YWHAE: variants seen among roughly 807,000 people sequenced by gnomAD.
YWHAE encodes tyrosine 3-monooxygenase/tryptophan 5-monooxygenase activation protein epsilon.
A neutral mutation model predicts 30.1 loss-of-function variants in YWHAE; 4 were observed. The observed-to-expected ratio is 0.13, with a 90% CI of 0.07 to 0.30. The LOEUF (loss-of-function observed/expected upper bound fraction) is 0.30. YWHAE is among the 10% of genes least tolerant of loss of function. YWHAE has a pLI of 1.00. For missense variants in YWHAE, 121 were observed against 315.9 expected (o/e 0.38, Z 4.68); for synonymous variants, 118 against 111.8 (o/e 1.06, Z -0.35).
chr17:1,346,702 T>C (rs191729502), intron 5 of YWHAE, among the ~76,000 whole-genome samples: 45 of 152,196 alleles, frequency 3.0e-4, no homozygotes, highest in Middle Eastern at 3.4e-3. Flanking sequence ...AAAATGAACA[T>C]AACGCCGGGC....
At chr17:1,380,347 G>A (rs1222034871) in intron 1 of YWHAE, among the ~76,000 whole-genome samples, 1 of 152,074 alleles carries the variant, frequency 6.6e-6, no homozygotes, top group Non-Finnish European at 1.5e-5. Flanking sequence ...CGTGACCTCA[G>A]GTGATCTGCC....
intron 4 of YWHAE, among the ~76,000 whole-genome samples, chr17:1,355,909 C>T (rs2072732623): frequency 6.6e-6 from 1 of 152,092 alleles, no homozygotes; most frequent in Non-Finnish European, 1.5e-5. Flanking sequence ...TGGCTCAAGC[C>T]TGTAATCCCA....
intron 1 of YWHAE, among the ~76,000 whole-genome samples, chr17:1,394,825 G>C (rs528384097): frequency 6.6e-6 from 1 of 150,930 alleles, no homozygotes; most frequent in South Asian, 2.1e-4. Context: ...AAATTAGCCA[G>C]GTGCGATGGC....
chr17:1,367,080 G>GA (rs1420437468), intron 1 of YWHAE, among the ~76,000 whole-genome samples: 7 of 152,032 alleles, frequency 4.6e-5, no homozygotes, highest in African/African-American at 1.4e-4. Flanking sequence ...AAGTCTCTTC[G>GA]AAAAATATTC....
intron 1 of YWHAE, among the ~76,000 whole-genome samples, chr17:1,368,330 C>T: frequency 6.6e-6 from 1 of 151,606 alleles, no homozygotes; most frequent in East Asian, 1.9e-4. Context: ...GAGTGGAGAT[C>T]GCGCCACTGT....
At chr17:1,378,824 G>C (rs1449396463) in intron 1 of YWHAE, among the ~76,000 whole-genome samples, 1 of 152,042 alleles carries the variant, frequency 6.6e-6, no homozygotes, top group Non-Finnish European at 1.5e-5. Flanking sequence ...GCACACACCT[G>C]TGATCCCAGC....
At chr17:1,382,916 T>G (rs1475587773) in intron 1 of YWHAE, among the ~76,000 whole-genome samples, 1 of 151,300 alleles carries the variant, frequency 6.6e-6, no homozygotes, top group Non-Finnish European at 1.5e-5. Flanking sequence ...TTCCAGCTAC[T>G]TGGGAGGCTG....
At chr17:1,399,976 C>T (rs1337555143) in intron 1 of YWHAE, 71 bp downstream of exon 1, 69 of 1,590,142 alleles carry the variant, frequency 4.3e-5, no homozygotes, top group Non-Finnish European at 9.5e-6. Context: ...ATTTTGTCTC[C>T]TGTTCCCGGC....
chr17:1,344,454 G>A lies in YWHAE; in HGVS notation c.*993C>T, dbSNP rs1178176612. The stretch of plus-strand genomic sequence containing the variant: ...ATTTATGGAAGAAAAAAGGAGGAAT[G>A]TTTCACATTCAGGCAAACATAATAC... On this transcript the variant is annotated 3_prime_UTR_variant, in exon 6 of 6. Transcript: ENST00000264335. The A allele has an allele frequency of 3.8e-5, 7 of 184,118 alleles. No individual in the cohort carries two copies. The highest frequency in any genetic ancestry group is 5.8e-5 in the Non-Finnish European group (5 of 86,722). The allele number at this position is 184,118 out of a possible 1,614,324, so 11.4% of individuals were successfully genotyped here. A position where few individuals can be genotyped will look rare whatever the true frequency, so the allele number is the denominator to read the frequency against.
chr17:1,392,940 C>T (rs1349085533), intron 1 of YWHAE, among the ~76,000 whole-genome samples: 2 of 151,762 alleles, frequency 1.3e-5, no homozygotes, highest in Non-Finnish European at 2.9e-5. Context: ...TGGTGGCTCA[C>T]GCCTATAATC....
At chr17:1,379,471 G>GC (rs2073172845) in intron 1 of YWHAE, among the ~76,000 whole-genome samples, 1 of 152,132 alleles carries the variant, frequency 6.6e-6, no homozygotes. Flanking sequence ...GGCAAAGAAA[G>GC]CAAGACTCTG....
intron 1 of YWHAE, among the ~76,000 whole-genome samples, chr17:1,370,672 C>G (rs568145540): frequency 2.6e-5 from 4 of 152,076 alleles, no homozygotes; most frequent in Non-Finnish European, 5.9e-5. Flanking sequence ...CTCAGGTGAT[C>G]TGCCTACCTG....
intron 5 of YWHAE, 117 bp from the exon 6 acceptor site, chr17:1,345,616 A>G: frequency 9.5e-7 from 1 of 1,049,306 alleles, no homozygotes; most frequent in Non-Finnish European, 1.4e-6. Context: ...AATTGGTATT[A>G]AACGCAGGCA....
intron 1 of YWHAE, among the ~76,000 whole-genome samples, chr17:1,370,992 CCTT>C (rs1200434825): frequency 1.3e-5 from 2 of 152,200 alleles, no homozygotes; most frequent in East Asian, 1.9e-4. Context: ...CAGCGAGACT[CCTT>C]CTCAAAAAAT....
At chr17:1,378,876 G>A (rs540206581) in intron 1 of YWHAE, among the ~76,000 whole-genome samples, 1 of 151,918 alleles carries the variant, frequency 6.6e-6, no homozygotes, top group Admixed American at 6.6e-5. Flanking sequence ...GAACCTGGGA[G>A]GCGAAGGAAG....
chr17:1,397,758 A>G (rs1259116525), intron 1 of YWHAE, among the ~76,000 whole-genome samples: 1 of 152,150 alleles, frequency 6.6e-6, no homozygotes, highest in Non-Finnish European at 1.5e-5. Flanking sequence ...ACACAGGTAG[A>G]GGACACAGGT....
intron 4 of YWHAE, among the ~76,000 whole-genome samples, chr17:1,357,421 A>AAC (rs2072768994): frequency 6.8e-6 from 1 of 147,844 alleles, no homozygotes; most frequent in Non-Finnish European, 1.5e-5. Context: ...AAAAAAAAAA[A>AAC]TACAAAAAAT....
intron 5 of YWHAE, among the ~76,000 whole-genome samples, chr17:1,346,786 A>C (rs2072525885): frequency 6.6e-6 from 1 of 151,916 alleles, no homozygotes; most frequent in East Asian, 1.9e-4. Context: ...GAAGATCAAG[A>C]CCATCCTGGC....
At chr17:1,357,692 G>C (rs899932070) in intron 4 of YWHAE, among the ~76,000 whole-genome samples, 1 of 151,786 alleles carries the variant, frequency 6.6e-6, no homozygotes. Flanking sequence ...TTGGGAGGCC[G>C]AGGTGGCTGG....
Sources: gnomAD v4.1 joint callset for allele counts (sites outside exome capture counted in the v4.1 genomes callset) on GRCh38, gnomAD v4.1.1 for gene constraint, MANE v1.5 for transcripts, NCBI Gene and HGNC (gene_info 2026-07-23, HGNC 2026-07-21) for gene names.